DNAH6: variants seen among roughly 807,000 people sequenced by gnomAD.
The protein encoded by DNAH6 is dynein axonemal heavy chain 6.
DNAH6 carries 340 observed loss-of-function variants against 491.4 expected under a neutral mutation model. The ratio of observed to expected loss-of-function variants is 0.69; its 90% CI spans 0.63 to 0.76. DNAH6 has a LOEUF of 0.76. DNAH6 is among the 30% of genes least tolerant of loss of function. DNAH6 has a pLI of 0.00. For missense variants in DNAH6, 4,443 were observed against 4,972.2 expected (o/e 0.89, Z 3.20); for synonymous variants, 1,603 against 1,686.1 (o/e 0.95, Z 1.21).
At chr2:84,712,318 T>G (rs1697120840) in intron 56 of DNAH6, among the ~76,000 whole-genome samples, 1 of 152,262 alleles carries the variant, frequency 6.6e-6, no homozygotes, top group Non-Finnish European at 1.5e-5. Flanking sequence ...TGTCACAATG[T>G]GGAACAGATT....
chr2:84,696,417 A>G (rs1048346241), intron 46 of DNAH6, among the ~76,000 whole-genome samples: 4 of 152,002 alleles, frequency 2.6e-5, no homozygotes, highest in African/African-American at 9.6e-5. Flanking sequence ...AACTTAATAT[A>G]AATAAAAATC....
chr2:84,813,071 G>T lies in DNAH6; in HGVS notation c.11939G>T (p.Arg3980Ile). ...TTTCTCCTTCAGCTGTGGCTCAAAAGAGGACAGCCTAAGTCCTACTGGATC... is the reference window on the plus strand; with the variant it reads ...TTTCTCCTTCAGCTGTGGCTCAAAATAGGACAGCCTAAGTCCTACTGGATC... ...RTSFVDLWLK[R>I]GQPKSYWISG... is the part of the protein sequence containing the mutation. Residue 3980 changes from arginine to isoleucine, a missense_variant, in exon 74 of 77, where the codon AGA becomes ATA. Coordinates refer to ENST00000389394, the MANE Select transcript of DNAH6 (RefSeq NM_001370.2). 6.4e-7 allele frequency: 1 copy of T among 1,551,488 alleles called. No individual in the cohort carries two copies. Among genetic ancestry groups the T allele is most frequent in the Non-Finnish European group, 8.7e-7 (1 of 1,146,682 alleles).
chr2:84,615,713 G>A (rs767111752), intron 22 of DNAH6, among the ~76,000 whole-genome samples: 25 of 151,948 alleles, frequency 1.6e-4, no homozygotes, highest in Non-Finnish European at 3.1e-4. Context: ...ATTTCTTTCA[G>A]CAGTGTTTTG....
the DNAH6 span, among the ~76,000 whole-genome samples, chr2:84,496,805 A>G: frequency 6.6e-6 from 1 of 152,146 alleles, no homozygotes; most frequent in African/African-American, 2.4e-5. Flanking sequence ...AAAGTTACCA[A>G]GATATAAAAC....
At chr2:84,706,317 A>G (rs1696426591) in intron 52 of DNAH6, among the ~76,000 whole-genome samples, 1 of 152,266 alleles carries the variant, frequency 6.6e-6, no homozygotes, top group Non-Finnish European at 1.5e-5. Context: ...ACAGTCATTG[A>G]CAATACATAG....
Position 84,782,684 on chromosome 2 carries a change from C to G in DNAH6, c.10864+1031C>G, listed in dbSNP as rs1354726323. Among the ~76,000 whole-genome samples the G allele has an allele frequency of 1.4e-4, 22 of 152,150 alleles. 1 individual carries two copies. The highest frequency in any genetic ancestry group is 1.4e-3 in the Admixed American group (21 of 15,274). On this transcript the variant is annotated intron_variant, in intron 65 of 76. Coordinates refer to ENST00000389394, the MANE Select transcript of DNAH6 (RefSeq NM_001370.2). ...TCCACTATTTCCACTCTTTTGCTGT[C>G]AAATAAGAGAGGGCCTGCTTCCTGC...
chr2:84,601,025 A>ATAATACTATAT (rs1558778745), intron 18 of DNAH6, among the ~76,000 whole-genome samples: 2 of 146,302 alleles, frequency 1.4e-5, no homozygotes, highest in South Asian at 2.1e-4. Context: ...TATAATAATA[A>ATAATACTATAT]TGTTATTATT....
At chr2:84,697,785 A>G in intron 47 of DNAH6, 58 bp downstream of exon 47, 2 of 1,539,210 alleles carry the variant, frequency 1.3e-6, no homozygotes, top group South Asian at 1.2e-5. Context: ...TTCACCTTTT[A>G]TTTAACCATT....
intron 37 of DNAH6, among the ~76,000 whole-genome samples, chr2:84,661,343 A>C (rs1691489381): frequency 6.6e-6 from 1 of 152,312 alleles, no homozygotes; most frequent in East Asian, 1.9e-4. Context: ...CAGTGCAATA[A>C]GGCAAGAAAA....
At chr2:84,714,942 G>A (rs1035631166) in intron 57 of DNAH6, among the ~76,000 whole-genome samples, 3 of 151,334 alleles carry the variant, frequency 2.0e-5, no homozygotes, top group Non-Finnish European at 4.4e-5. Flanking sequence ...ACACACTCTT[G>A]TTATACTTAC....
chr2:84,537,174 G>A (rs552598195), intron 4 of DNAH6, among the ~76,000 whole-genome samples: 41 of 152,010 alleles, frequency 2.7e-4, no homozygotes, highest in Admixed American at 1.4e-3. Context: ...CCTAAAAAAC[G>A]TAAAATATTG....
At chr2:84,495,455 G>A in the DNAH6 span, among the ~76,000 whole-genome samples, 4 of 152,172 alleles carry the variant, frequency 2.6e-5, no homozygotes, top group African/African-American at 7.2e-5. Flanking sequence ...GAGCCACTGC[G>A]TCCAGCCTCT....
intron 24 of DNAH6, among the ~76,000 whole-genome samples, chr2:84,620,490 T>TATGC (rs1472531251): frequency 3.9e-5 from 6 of 152,062 alleles, no homozygotes; most frequent in Non-Finnish European, 8.8e-5. Context: ...GAGCCACACA[T>TATGC]ATGCACACAC....
intron 63 of DNAH6, among the ~76,000 whole-genome samples, chr2:84,753,815 C>A (rs1573706328): frequency 1.6e-5 from 2 of 122,784 alleles, no homozygotes; most frequent in African/African-American, 6.2e-5. Context: ...ATCTTTGATA[C>A]ATTTTGAGTT....
At chr2:84,585,931 C>T (rs2104066507) in intron 15 of DNAH6, among the ~76,000 whole-genome samples, 1 of 152,338 alleles carries the variant, frequency 6.6e-6, no homozygotes, top group African/African-American at 2.4e-5. Context: ...AGCCCAGCCC[C>T]CAGCCTTCAG....
At chr2:84,576,563 A>C (rs1682467808) in intron 12 of DNAH6, among the ~76,000 whole-genome samples, 1 of 152,168 alleles carries the variant, frequency 6.6e-6, no homozygotes, top group Non-Finnish European at 1.5e-5. Context: ...CAGAGGGTAC[A>C]GAATTTTGAA....
At chr2:84,720,954 TTCCTGCCACTTCTTGGCTACAGTTTATAC>T in intron 59 of DNAH6, among the ~76,000 whole-genome samples, 1 of 152,296 alleles carries the variant, frequency 6.6e-6, no homozygotes, top group Non-Finnish European at 1.5e-5. Context: ...TTGGCTGTGT[TTCCTGCCACTTCTTGGCTACAGTTTATAC>T]TCCTCTCAGC....
upstream of DNAH6, among the ~76,000 whole-genome samples, chr2:84,513,544 T>C (rs967358577): frequency 6.6e-5 from 10 of 152,204 alleles, no homozygotes; most frequent in African/African-American, 2.4e-4. Flanking sequence ...CCTTGAACAT[T>C]TCATAAATAT....
intron 24 of DNAH6, among the ~76,000 whole-genome samples, chr2:84,620,569 G>A (rs943447799): frequency 3.9e-5 from 6 of 152,116 alleles, no homozygotes; most frequent in African/African-American, 7.2e-5. Context: ...TCACACACAG[G>A]AACTGTGTAG....
Sources: gnomAD v4.1 joint callset for allele counts (sites outside exome capture counted in the v4.1 genomes callset) on GRCh38, gnomAD v4.1.1 for gene constraint, MANE v1.5 for transcripts, NCBI Gene and HGNC (gene_info 2026-07-23, HGNC 2026-07-21) for gene names.